Variants in TSPAN9 observed in about 807,000 individuals in gnomAD.
TSPAN9 encodes tetraspanin-9.
In TSPAN9, 16 loss-of-function variants were observed where a neutral mutation model predicts 31.0. The ratio of observed to expected loss-of-function variants is 0.52; its 90% CI spans 0.35 to 0.78. The LOEUF is 0.78. Among genes scored for constraint, TSPAN9 ranks in the 30% least tolerant of loss-of-function variants. The pLI is 0.01. For synonymous variants in TSPAN9, 145 were observed against 121.6 expected (o/e 1.19, Z -1.27); for missense variants, 272 against 312.5 (o/e 0.87, Z 0.98).
chr12:3,165,025 T>A (rs2098347562), intron 2 of TSPAN9, among the ~76,000 whole-genome samples: 1 of 152,142 alleles, frequency 6.6e-6, no homozygotes, highest in African/African-American at 2.4e-5. Flanking sequence ...GAGGCTCTCG[T>A]CTGGTGGCCT....
chr12:3,165,735 C>T (rs2098348026), intron 2 of TSPAN9, among the ~76,000 whole-genome samples: 1 of 152,136 alleles, frequency 6.6e-6, no homozygotes, highest in African/African-American at 2.4e-5. Context: ...TTGTGAGGCG[C>T]CCGTGAGATT....
intron 2 of TSPAN9, among the ~76,000 whole-genome samples, chr12:3,196,425 G>T (rs2098367120): frequency 6.6e-6 from 1 of 152,200 alleles, no homozygotes; most frequent in Non-Finnish European, 1.5e-5. Flanking sequence ...TAGCCTGGAA[G>T]ATTCTTAAGG....
At chr12:3,129,156 C>T (rs1230418750) in intron 2 of TSPAN9, among the ~76,000 whole-genome samples, 3 of 151,964 alleles carry the variant, frequency 2.0e-5, no homozygotes, top group Admixed American at 6.6e-5. Flanking sequence ...ATTTTTTTGC[C>T]CTTTTACCCA....
At chr12:3,204,877 T>C (rs2098374138) in intron 3 of TSPAN9, among the ~76,000 whole-genome samples, 1 of 152,328 alleles carries the variant, frequency 6.6e-6, no homozygotes, top group Non-Finnish European at 1.5e-5. Context: ...GTCAGCCCCA[T>C]CTCTGGGTCC....
intron 2 of TSPAN9, among the ~76,000 whole-genome samples, chr12:3,183,813 G>A (rs1011168951): frequency 6.6e-6 from 1 of 152,174 alleles, no homozygotes; most frequent in African/African-American, 2.4e-5. Flanking sequence ...AGTCTACTCG[G>A]TGATTGGCCT....
At chr12:3,155,975 C>T (rs556053043) in intron 2 of TSPAN9, among the ~76,000 whole-genome samples, 7 of 152,266 alleles carry the variant, frequency 4.6e-5, no homozygotes, top group Admixed American at 6.5e-5. Flanking sequence ...ACAGCCATGA[C>T]GTATGAGCCT....
chr12:3,175,362 C>T (rs1270431999), intron 2 of TSPAN9, among the ~76,000 whole-genome samples: 2 of 152,214 alleles, frequency 1.3e-5, no homozygotes, highest in African/African-American at 4.8e-5. Flanking sequence ...CAGCGCCCGG[C>T]AGGGGCCTGC....
intron 3 of TSPAN9, among the ~76,000 whole-genome samples, chr12:3,236,869 T>G (rs1354435038): frequency 6.6e-6 from 1 of 152,212 alleles, no homozygotes; most frequent in African/African-American, 2.4e-5. Flanking sequence ...CTGTCATCAC[T>G]GGGCACCCTC....
intron 2 of TSPAN9, chr12:3,084,152 A>G (rs974534433): frequency 6.6e-6 from 1 of 152,166 alleles, no homozygotes; most frequent in African/African-American, 2.4e-5. Context: ...TGCTCTGCCC[A>G]CCGCCCTCCA....
intron 3 of TSPAN9, among the ~76,000 whole-genome samples, chr12:3,261,038 C>A (rs1004174071): frequency 9.9e-5 from 15 of 152,092 alleles, no homozygotes; most frequent in African/African-American, 3.4e-4. Flanking sequence ...ATTGTGGTGA[C>A]AGAGAGGAGG....
intron 2 of TSPAN9, among the ~76,000 whole-genome samples, chr12:3,138,433 C>T (rs989265996): frequency 6.6e-6 from 1 of 152,004 alleles, no homozygotes; most frequent in African/African-American, 2.4e-5. Context: ...CTGCCCAGTC[C>T]TGTCTCCTCG....
chr12:3,284,222 T>C lies in TSPAN9; in HGVS notation c.*1106T>C, dbSNP rs71577827. 309 of 152,734 alleles carry C rather than the reference T, an allele frequency of 2.0e-3. No individual in the cohort carries two copies. The highest frequency in any genetic ancestry group is 3.8e-3 in the Non-Finnish European group (257 of 68,054). 9.5% of individuals were successfully genotyped at this position (152,734 alleles called of 1,614,324 possible). ...TTCCTGCTAGAAACTGTCAGACAAATACCTCTCTAGTTCGGATGCTGCTCA... is the reference window on the plus strand; with the variant it reads ...TTCCTGCTAGAAACTGTCAGACAAACACCTCTCTAGTTCGGATGCTGCTCA... On this transcript the variant is annotated 3_prime_UTR_variant, in exon 9 of 9. Transcript: ENST00000011898.
At chr12:3,133,077 A>G (rs1463091134) in intron 2 of TSPAN9, among the ~76,000 whole-genome samples, 1 of 152,138 alleles carries the variant, frequency 6.6e-6, no homozygotes, top group Admixed American at 6.5e-5. Flanking sequence ...TTTCAGGCCT[A>G]TTTCTAACTG....
In TSPAN9 at chr12:3,285,021, G is replaced by A. The variant is rs1234188286; in HGVS notation, c.*1905G>A. The A allele has an allele frequency of 2.0e-5, 3 of 152,260 alleles. No individual in the cohort carries two copies. The highest frequency in any genetic ancestry group is 7.2e-5 in the African/African-American group (3 of 41,440). 9.4% of individuals were successfully genotyped at this position (152,260 alleles called of 1,614,324 possible). A position where few individuals can be genotyped will look rare whatever the true frequency, so the allele number is the denominator to read the frequency against. ...AGAGTAGGGTGGTCTTGTGAGTTGTGCAGGGTGAAGACCGCTTCCCTGAGA... is the reference window on the plus strand; with the variant it reads ...AGAGTAGGGTGGTCTTGTGAGTTGTACAGGGTGAAGACCGCTTCCCTGAGA... On this transcript the variant is annotated 3_prime_UTR_variant, in exon 9 of 9. Transcript: ENST00000011898.
At chr12:3,275,109 C>G (rs907838144) in intron 3 of TSPAN9, among the ~76,000 whole-genome samples, 1 of 152,190 alleles carries the variant, frequency 6.6e-6, no homozygotes, top group Non-Finnish European at 1.5e-5. Context: ...AGTGTGAAGT[C>G]AGAGAACCAG....
rs2098361906 is a variant in TSPAN9, at chr12:3,187,291, T to G, written c.-17-13886T>G. Among the ~76,000 whole-genome samples the G allele has an allele frequency of 6.6e-6, 1 of 152,142 alleles. No homozygotes were observed. The highest frequency in any genetic ancestry group is 2.4e-5 in the African/African-American group (1 of 41,438). ...GATTGGCAGGGCTTGTCCTTTGGTG[T>G]TGTGATGTGGGGCGTCTCTGCTTTT... On this transcript the variant is annotated intron_variant, in intron 2 of 8. Transcript: ENST00000011898. The surrounding 1 kb of genome is among the most constrained non-coding windows in gnomAD (Gnocchi z 5.2).
intron 3 of TSPAN9, among the ~76,000 whole-genome samples, chr12:3,238,574 G>C (rs748055448): frequency 8.5e-5 from 13 of 152,216 alleles, no homozygotes; most frequent in Non-Finnish European, 1.3e-4. Flanking sequence ...TGCCTCACGG[G>C]AACGGCCCTG....
At chr12:3,268,825 C>CCT (rs1862602206) in intron 3 of TSPAN9, among the ~76,000 whole-genome samples, 2 of 80,540 alleles carry the variant, frequency 2.5e-5, no homozygotes, top group Non-Finnish European at 2.6e-5. Flanking sequence ...ACCTGCCCTC[C>CCT]GTGCATTCCT....
intron 2 of TSPAN9, among the ~76,000 whole-genome samples, chr12:3,171,056 C>T (rs745725663): frequency 2.1e-4 from 32 of 152,230 alleles, no homozygotes; most frequent in Admixed American, 1.2e-3. Context: ...AGCCACCGTT[C>T]GTCACCTCGT....
Sources: gnomAD v4.1 joint callset for allele counts (sites outside exome capture counted in the v4.1 genomes callset) on GRCh38, gnomAD v4.1.1 for gene constraint, Gnocchi (gnomAD v3.1) non-coding constraint, MANE v1.5 for transcripts, NCBI Gene and HGNC (gene_info 2026-07-23, HGNC 2026-07-21) for gene names.